The following BTC variants were observed in gnomAD, a reference collection of about 807,000 sequenced individuals.
BTC encodes probetacellulin.
BTC carries 13 observed loss-of-function variants against 18.1 expected under a neutral mutation model. The ratio of observed to expected loss-of-function variants is 0.72; its 90% CI spans 0.47 to 1.14. The LOEUF (loss-of-function observed/expected upper bound fraction) is 1.14, where lower values mean the gene tolerates loss of function less well. Ranked by LOEUF, BTC falls within the 50% of genes most tolerant of loss-of-function variation. The pLI is 0.00. For synonymous variants in BTC, 83 were observed against 79.4 expected (o/e 1.05, Z -0.24); for missense variants, 247 against 224.2 (o/e 1.10, Z -0.65).
In BTC at chr4:74,748,154, G is replaced by GAA; in HGVS notation, c.429-7_429-6dup. ...TTACGACGTTTCCGAAGAGGGCTTG[G>GAA]AAAATACGTGTTAGAAGTTAGTATG... On this transcript the variant is annotated splice_region_variant and splice_polypyrimidine_tract_variant and intron_variant, in intron 4 of 5. Transcript: ENST00000395743. 6.4e-7 allele frequency: 1 copy of GAA among 1,571,424 alleles called. No individual in the cohort carries two copies. The highest frequency in any genetic ancestry group is 8.7e-7 in the Non-Finnish European group (1 of 1,149,560).
intron 4 of BTC, among the ~76,000 whole-genome samples, chr4:74,748,756 A>G (rs1415587779): frequency 6.6e-6 from 1 of 152,266 alleles, no homozygotes; most frequent in African/African-American, 2.4e-5. Context: ...TAAAAGAAAC[A>G]GTACAAATTG....
chr4:74,752,476 T>C (rs1724490308), intron 3 of BTC, among the ~76,000 whole-genome samples: 1 of 151,662 alleles, frequency 6.6e-6, no homozygotes, highest in Admixed American at 6.6e-5. Flanking sequence ...TCTCCCGGGT[T>C]CAAGCGATTC....
intron 2 of BTC, among the ~76,000 whole-genome samples, chr4:74,768,882 C>A (rs1724967347): frequency 6.6e-6 from 1 of 152,120 alleles, no homozygotes; most frequent in Admixed American, 6.6e-5. Context: ...ACATTTGAAA[C>A]CAGACTGAAG....
chr4:74,761,590 T>A (rs1420466993), intron 2 of BTC, among the ~76,000 whole-genome samples: 1 of 152,236 alleles, frequency 6.6e-6, no homozygotes, highest in Non-Finnish European at 1.5e-5. Flanking sequence ...GGTCTTTCCT[T>A]ATCTCAGTAA....
At chr4:74,793,273 T>G (rs1320048685) in intron 1 of BTC, among the ~76,000 whole-genome samples, 1 of 152,190 alleles carries the variant, frequency 6.6e-6, no homozygotes, top group African/African-American at 2.4e-5. Flanking sequence ...ACTGTACCTT[T>G]TTAGCCACCT....
At chr4:74,789,530 A>C (rs1039945567) in intron 1 of BTC, among the ~76,000 whole-genome samples, 7 of 152,146 alleles carry the variant, frequency 4.6e-5, no homozygotes, top group Non-Finnish European at 1.0e-4. Flanking sequence ...ATCTTTATTA[A>C]CATTCTATAG....
intron 2 of BTC, among the ~76,000 whole-genome samples, chr4:74,761,025 C>T (rs1224883924): frequency 2.0e-5 from 3 of 152,094 alleles, no homozygotes; most frequent in Non-Finnish European, 4.4e-5. Context: ...TGAGCCAATG[C>T]GCCTGGCCTA....
intron 1 of BTC, among the ~76,000 whole-genome samples, chr4:74,793,789 A>G (rs964342250): frequency 2.0e-5 from 3 of 146,982 alleles, no homozygotes; most frequent in African/African-American, 8.2e-5. Context: ...CCTTCAGTCA[A>G]AGAGTTCCCG....
chr4:74,779,973 G>A lies in BTC; in HGVS notation c.65-9817C>T, dbSNP rs142385504. Reference sequence around the variant, plus strand: ...CAAAAAGTGGCAATGTGTTAAGCTGGAAAAATCAAAAAGTTTCACAGAAGA... The same window carrying A: ...CAAAAAGTGGCAATGTGTTAAGCTGAAAAAATCAAAAAGTTTCACAGAAGA... On this transcript the variant is annotated intron_variant, in intron 1 of 5. Transcript: ENST00000395743. Among the ~76,000 whole-genome samples the A allele has an allele frequency of 2.6e-3, 394 of 152,174 alleles. 1 individual carries two copies. Among genetic ancestry groups the A allele is most frequent in the Non-Finnish European group, 4.4e-3 (296 of 67,986 alleles).
chr4:74,764,437 G>A (rs1724844446), intron 2 of BTC, among the ~76,000 whole-genome samples: 2 of 152,098 alleles, frequency 1.3e-5, no homozygotes, highest in African/African-American at 4.8e-5. Context: ...GCAGAAAACT[G>A]CCTAAGACAA....
At chr4:74,775,030 C>T (rs1425229318) in intron 1 of BTC, among the ~76,000 whole-genome samples, 7 of 152,048 alleles carry the variant, frequency 4.6e-5, no homozygotes, top group Non-Finnish European at 7.4e-5. Flanking sequence ...GCTTGGATAA[C>T]TGTCTGGATT....
chr4:74,759,658 A>T (rs4859421), intron 2 of BTC, among the ~76,000 whole-genome samples: 25,854 of 78,408 alleles, frequency 0.33, 2,604 homozygotes, highest in East Asian at 0.58. Flanking sequence ...CATTTAAGTT[A>T]AAAAAAAAAA....
chr4:74,747,173 CT>C (rs1553955579), intron 5 of BTC, among the ~76,000 whole-genome samples: 1 of 152,156 alleles, frequency 6.6e-6, no homozygotes, highest in Non-Finnish European at 1.5e-5. Flanking sequence ...CAAAACTATC[CT>C]GCTTTGTTGT....
chr4:74,793,252 C>T (rs1443905952), intron 1 of BTC, among the ~76,000 whole-genome samples: 2 of 152,192 alleles, frequency 1.3e-5, no homozygotes, highest in African/African-American at 4.8e-5. Context: ...GATCCACCTC[C>T]AAGCAAGTTC....
chr4:74,758,601 C>G (rs1402409562), intron 2 of BTC, among the ~76,000 whole-genome samples: 1 of 152,192 alleles, frequency 6.6e-6, no homozygotes, highest in Non-Finnish European at 1.5e-5. Flanking sequence ...CTTTATTTCT[C>G]TAGTTGCTGT....
At chr4:74,787,476 GA>G (rs774386172) in intron 1 of BTC, among the ~76,000 whole-genome samples, 21 of 152,020 alleles carry the variant, frequency 1.4e-4, no homozygotes, top group African/African-American at 4.6e-4. Flanking sequence ...GAAATACTAA[GA>G]TTTTTTTTAA....
chr4:74,789,122 C>T (rs563856284), intron 1 of BTC, among the ~76,000 whole-genome samples: 4 of 152,322 alleles, frequency 2.6e-5, no homozygotes, highest in African/African-American at 9.6e-5. Flanking sequence ...TTATTGAGCA[C>T]CTACTATACA....
At position 74,745,961 on chromosome 4, in the gene BTC, C is replaced by A. The variant is rs1348399906; in HGVS notation, c.*716G>T. The A allele has an allele frequency of 6.6e-6, 1 of 152,132 alleles. No homozygotes were observed. Among genetic ancestry groups the A allele is most frequent in the African/African-American group, 2.4e-5 (1 of 41,434 alleles). The allele number at this position is 152,132 out of a possible 1,614,324, so 9.4% of individuals were successfully genotyped here. On this transcript the variant is annotated 3_prime_UTR_variant, in exon 6 of 6. Coordinates refer to ENST00000395743, the MANE Select transcript of BTC (RefSeq NM_001729.4). The stretch of plus-strand genomic sequence containing the variant: ...AATTCTATAGAAAGCATGATGGTAA[C>A]AGCAATATAGGCCAGGATTTCTCAT...
intron 1 of BTC, among the ~76,000 whole-genome samples, chr4:74,791,539 A>G (rs942368815): frequency 6.6e-6 from 1 of 152,174 alleles, no homozygotes; most frequent in Non-Finnish European, 1.5e-5. Flanking sequence ...ATAAACGTGT[A>G]ATTTATATTT....
Sources: gnomAD v4.1 joint callset for allele counts (sites outside exome capture counted in the v4.1 genomes callset) on GRCh38, gnomAD v4.1.1 for gene constraint, MANE v1.5 for transcripts, NCBI Gene and HGNC (gene_info 2026-07-23, HGNC 2026-07-21) for gene names.